HMGCLL1: variants seen among roughly 807,000 people sequenced by gnomAD.
The protein encoded by HMGCLL1 is 3-hydroxymethyl-3-methylglutaryl-CoA lyase, cytoplasmic.
In HMGCLL1, 36 loss-of-function variants were observed where a neutral mutation model predicts 39.1. The observed-to-expected ratio is 0.92, with a 90% CI of 0.71 to 1.22. The LOEUF (loss-of-function observed/expected upper bound fraction) is 1.22. Ranked by LOEUF, HMGCLL1 falls within the 50% of genes most tolerant of loss-of-function variation. HMGCLL1 has a pLI of 0.00. For missense variants in HMGCLL1, 451 were observed against 416.5 expected (o/e 1.08, Z -0.72); for synonymous variants, 149 against 144.0 (o/e 1.03, Z -0.25).
At chr6:55,492,283 TG>T (rs1766352779) in intron 7 of HMGCLL1, among the ~76,000 whole-genome samples, 1 of 152,186 alleles carries the variant, frequency 6.6e-6, no homozygotes, top group Non-Finnish European at 1.5e-5. Flanking sequence ...AGATTTTCTC[TG>T]ATTCTCCTTC....
the HMGCLL1 span, among the ~76,000 whole-genome samples, chr6:55,630,126 G>A: frequency 6.6e-6 from 1 of 152,176 alleles, no homozygotes; most frequent in Non-Finnish European, 1.5e-5. Flanking sequence ...GCCAGCCTGT[G>A]AAAGCATCTA....
At chr6:55,655,049 A>G in the HMGCLL1 span, among the ~76,000 whole-genome samples, 5 of 151,952 alleles carry the variant, frequency 3.3e-5, no homozygotes, top group African/African-American at 4.8e-5. Context: ...AACTACATAG[A>G]TTAGCCATAT....
chr6:55,570,926 G>A (rs1335519758), intron 1 of HMGCLL1, among the ~76,000 whole-genome samples: 1 of 152,202 alleles, frequency 6.6e-6, no homozygotes, highest in African/African-American at 2.4e-5. Flanking sequence ...CATCTTACAT[G>A]GCGGCAGGCG....
the HMGCLL1 span, among the ~76,000 whole-genome samples, chr6:55,626,288 CCTTATCCG>C: frequency 6.6e-6 from 1 of 152,106 alleles, no homozygotes; most frequent in Non-Finnish European, 1.5e-5. Flanking sequence ...TCACAGAATG[CCTTATCCG>C]CTGTCATGGT....
At chr6:55,629,893 G>T in the HMGCLL1 span, among the ~76,000 whole-genome samples, 320 of 152,304 alleles carry the variant, frequency 2.1e-3, 1 homozygote, top group African/African-American at 7.2e-3. Flanking sequence ...GTATGGAAAT[G>T]CCTGGATGTA....
chr6:55,497,014 A>G (rs990578219), intron 6 of HMGCLL1, among the ~76,000 whole-genome samples: 1 of 152,168 alleles, frequency 6.6e-6, no homozygotes, highest in African/African-American at 2.4e-5. Context: ...GAGTCATTTA[A>G]TATTTCTGGT....
intron 1 of HMGCLL1, among the ~76,000 whole-genome samples, chr6:55,569,059 A>C (rs1194781025): frequency 1.3e-5 from 2 of 152,186 alleles, no homozygotes; most frequent in African/African-American, 4.8e-5. Context: ...TGAGAAAGCA[A>C]GAAATACAGG....
intron 1 of HMGCLL1, chr6:55,563,942 T>C (rs973394329): frequency 1.9e-5 from 23 of 1,179,924 alleles, no homozygotes; most frequent in Non-Finnish European, 2.4e-5. Flanking sequence ...GAGGAGCTGT[T>C]GAAACAGGGC....
chr6:55,514,171 G>T lies in HMGCLL1; in HGVS notation c.419C>A (p.Ser140Ter), dbSNP rs1767614765. 1.9e-6 allele frequency: 3 copies of T among 1,610,032 alleles called. No homozygotes were observed. Among genetic ancestry groups the T allele is most frequent in the Admixed American group, 1.7e-5 (1 of 59,346 alleles). ...GGATTCAGATGCAGCTCCAAAAACT[G>T]ATATCTCAGTAGCTCCAGCAGCAAC... ...HAVAAGATEI[S>*]VFGAASESFS... Residue 140 changes from serine to a stop codon, truncating the protein, a stop_gained, in exon 5 of 9, where the codon TCA becomes TAA. Coordinates refer to ENST00000274901, the MANE Select transcript of HMGCLL1 (RefSeq NM_001042406.2). LOFTEE classifies it high-confidence loss of function.
rs1386378993 is a variant in HMGCLL1 at position 55,557,814 on chromosome 6, G to A, written c.109-15674C>T. ...GGGAAAGGGGTTAGCAATAAATTAC[G>A]TTGCCCGTATAGAGTACAGCTGGTG... On this transcript the variant is annotated intron_variant, in intron 1 of 8. Transcript: ENST00000274901. 2.6e-5 allele frequency among the ~76,000 whole-genome samples: 4 copies of A among 152,204 alleles called. No individual in the cohort carries two copies. In the South Asian group the frequency reaches 8.3e-4, roughly 32 times the overall value.
At chr6:55,580,406 C>CTTT (rs145371462), upstream of HMGCLL1, among the ~76,000 whole-genome samples, 3,815 of 73,192 alleles carry the variant, frequency 0.052, 603 homozygotes, top group Non-Finnish European at 0.071. Context: ...TTTTTTCTTT[C>CTTT]TTTTTTTTTT....
chr6:55,566,743 A>G, intron 1 of HMGCLL1: 5 of 388,166 alleles, frequency 1.3e-5, no homozygotes, highest in South Asian at 7.8e-5. Flanking sequence ...TGATCTTTAC[A>G]ACAGTAGCCA....
At chr6:55,645,851 G>T in the HMGCLL1 span, among the ~76,000 whole-genome samples, 1 of 151,286 alleles carries the variant, frequency 6.6e-6, no homozygotes, top group Non-Finnish European at 1.5e-5. Flanking sequence ...TTGGTTTGTA[G>T]TTTTTTTTAA....
the HMGCLL1 span, among the ~76,000 whole-genome samples, chr6:55,612,807 A>G: frequency 6.6e-6 from 1 of 152,224 alleles, no homozygotes; most frequent in Non-Finnish European, 1.5e-5. Context: ...CTCAAGATGG[A>G]TTAAAGACTT....
the HMGCLL1 span, among the ~76,000 whole-genome samples, chr6:55,627,623 C>A: frequency 6.6e-6 from 1 of 151,196 alleles, no homozygotes; most frequent in East Asian, 2.0e-4. Context: ...CTGAGGAAGG[C>A]AGATCCACCC....
chr6:55,607,539 A>T, the HMGCLL1 span, among the ~76,000 whole-genome samples: 1 of 152,160 alleles, frequency 6.6e-6, no homozygotes, highest in Non-Finnish European at 1.5e-5. Flanking sequence ...AACCAAGGTC[A>T]TGCCCTTTCT....
At chr6:55,459,378 A>G (rs1183687348) in intron 7 of HMGCLL1, among the ~76,000 whole-genome samples, 1 of 152,156 alleles carries the variant, frequency 6.6e-6, no homozygotes, top group African/African-American at 2.4e-5. Context: ...GACTGTTTAA[A>G]TTGAGGCAGG....
At chr6:55,647,577 T>A in the HMGCLL1 span, among the ~76,000 whole-genome samples, 1 of 151,778 alleles carries the variant, frequency 6.6e-6, no homozygotes, top group Non-Finnish European at 1.5e-5. Context: ...TTTATTTGAG[T>A]TACCATGAGG....
At chr6:55,503,740 A>C (rs1354843235) in intron 5 of HMGCLL1, among the ~76,000 whole-genome samples, 1 of 151,554 alleles carries the variant, frequency 6.6e-6, no homozygotes, top group Non-Finnish European at 1.5e-5. Flanking sequence ...TTTCCCCTGC[A>C]TTTGCCATTT....
Sources: gnomAD v4.1 joint callset for allele counts (sites outside exome capture counted in the v4.1 genomes callset) on GRCh38, gnomAD v4.1.1 for gene constraint, MANE v1.5 for transcripts, NCBI Gene and HGNC (gene_info 2026-07-23, HGNC 2026-07-21) for gene names.